The following PTPMT1 variants were observed in gnomAD, a reference collection of about 807,000 sequenced individuals.
PTPMT1 encodes the protein phosphatidylglycerophosphatase and protein-tyrosine phosphatase 1.
A neutral mutation model predicts 17.8 loss-of-function variants in PTPMT1; 12 were observed. That is an observed-to-expected ratio of 0.67 (90% CI 0.43 to 1.09). PTPMT1 has a LOEUF of 1.09. PTPMT1 is among the 50% of genes least tolerant of loss of function. PTPMT1 has a pLI of 0.00. For missense variants in PTPMT1, 262 were observed against 266.0 expected (o/e 0.99, Z 0.10); for synonymous variants, 132 against 116.8 (o/e 1.13, Z -0.84).
At position 47,573,080 on chromosome 11, in the gene PTPMT1, A is replaced by C. The variant is rs771044336; in HGVS notation, c.*1451A>C. 6.2e-7 allele frequency: 1 copy of C among 1,614,168 alleles called. No homozygotes were observed. The highest frequency in any genetic ancestry group is 1.1e-5 in the South Asian group (1 of 91,078). ...CATAGATGCTCCCGTTACAGCTGGCAATCTTCCAGAGGGATGGGGCAGAGC... is the reference window on the plus strand; with the variant it reads ...CATAGATGCTCCCGTTACAGCTGGCCATCTTCCAGAGGGATGGGGCAGAGC... On this transcript the variant is annotated 3_prime_UTR_variant, in exon 4 of 4. Coordinates refer to ENST00000326674, the MANE Select transcript of PTPMT1 (RefSeq NM_175732.3). The surrounding 1 kb of genome is among the most constrained non-coding windows in gnomAD (Gnocchi z 4.1).
rs763838623 is a variant in PTPMT1, at chr11:47,573,104, G to A, written c.*1475G>A. On this transcript the variant is annotated 3_prime_UTR_variant, in exon 4 of 4. Coordinates refer to ENST00000326674, the MANE Select transcript of PTPMT1 (RefSeq NM_175732.3). The surrounding 1 kb of genome is among the most constrained non-coding windows in gnomAD (Gnocchi z 4.1). ...CAATCTTCCAGAGGGATGGGGCAGAGCTCCAGGCCTCAGGAAGGCAAAGCC... is the reference window on the plus strand; with the variant it reads ...CAATCTTCCAGAGGGATGGGGCAGAACTCCAGGCCTCAGGAAGGCAAAGCC... The A allele has an allele frequency of 3.7e-6, 6 of 1,614,208 alleles. No individual in the cohort carries two copies. The highest frequency in any genetic ancestry group is 1.1e-5 in the South Asian group (1 of 91,086).
At chr11:47,569,938 TC>T in intron 3 of PTPMT1, 47 bp downstream of exon 3, 2 of 1,495,780 alleles carry the variant, frequency 1.3e-6, no homozygotes, top group Non-Finnish European at 1.8e-6. Flanking sequence ...ACACTTATGA[TC>T]CCAGCACTTT....
At position 47,569,715 on chromosome 11, in the gene PTPMT1, G is replaced by A. The variant is rs1321524900; in HGVS notation, c.271G>A (p.Gly91Arg). 1 of 1,612,106 alleles carries A rather than the reference G, an allele frequency of 6.2e-7. No individual in the cohort carries two copies. Among genetic ancestry groups the A allele is most frequent in the South Asian group, 1.1e-5 (1 of 90,860 alleles). ...CTGGTTCCAGGAGTGGAAGAGACTA[G>A]GAGTCGAGCAGCTGCGGCTCAGCAC... is the stretch of plus-strand genomic sequence containing the variant. ...CNSSQEWKRL[G>R]VEQLRLSTVD... Residue 91 changes from glycine to arginine, a missense_variant, in exon 3 of 4, where the codon GGA (glycine) becomes AGA (arginine). Coordinates refer to ENST00000326674, the MANE Select transcript of PTPMT1 (RefSeq NM_175732.3).
Position 47,571,897 on chromosome 11 carries a change from A to G in PTPMT1, c.*268A>G. ...TTTTCTTGAATAGGGCTAAAGAAGTATTTTAACAAAAATCTATTATGTACC... is the reference window on the plus strand; with the variant it reads ...TTTTCTTGAATAGGGCTAAAGAAGTGTTTTAACAAAAATCTATTATGTACC... On this transcript the variant is annotated 3_prime_UTR_variant, in exon 4 of 4. Coordinates refer to ENST00000326674, the MANE Select transcript of PTPMT1 (RefSeq NM_175732.3). 1 of 310,008 alleles carries G rather than the reference A, an allele frequency of 3.2e-6. No homozygotes were observed. The highest frequency in any genetic ancestry group is 6.0e-6 in the Non-Finnish European group (1 of 167,776). 19.2% of individuals were successfully genotyped at this position (310,008 alleles called of 1,614,324 possible). A position where few individuals can be genotyped will look rare whatever the true frequency, so the allele number is the denominator to read the frequency against.
chr11:47,568,613 T>C (rs1395901777), intron 2 of PTPMT1, among the ~76,000 whole-genome samples: 2 of 152,086 alleles, frequency 1.3e-5, no homozygotes, highest in African/African-American at 2.4e-5. Context: ...GCTTAGGAGT[T>C]TGAGGCTGCA....
rs960782073 is a variant in PTPMT1 at position 47,571,751 on chromosome 11, G to GT, written c.*123dup. 1.1e-6 allele frequency: 1 copy of GT among 875,984 alleles called. No individual in the cohort carries two copies. The highest frequency in any genetic ancestry group is 1.8e-6 in the Non-Finnish European group (1 of 559,276). The allele number at this position is 875,984 out of a possible 1,614,324, so 54.3% of individuals were successfully genotyped here. On this transcript the variant is annotated 3_prime_UTR_variant, in exon 4 of 4. Coordinates refer to ENST00000326674, the MANE Select transcript of PTPMT1 (RefSeq NM_175732.3). ...ACAGAAATGTGCCAATAGGTAATAG[G>GT]TAATTTTTCTTTCTCTGACTTGTTT...
rs2097251091 is a variant in PTPMT1 at position 47,572,601 on chromosome 11, G to T, written c.*972G>T. On this transcript the variant is annotated 3_prime_UTR_variant, in exon 4 of 4. Coordinates refer to ENST00000326674, the MANE Select transcript of PTPMT1 (RefSeq NM_175732.3). ...CTTTCCTTATGTCCTGGGATCAGGGGTGCTTACATTTAACATTGATCAGGT... is the reference window on the plus strand; with the variant it reads ...CTTTCCTTATGTCCTGGGATCAGGGTTGCTTACATTTAACATTGATCAGGT... The T allele has an allele frequency of 9.8e-6, 3 of 304,622 alleles. No individual in the cohort carries two copies. Among genetic ancestry groups the T allele is most frequent in the South Asian group, 6.9e-5 (1 of 14,426 alleles). The allele number at this position is 304,622 out of a possible 1,614,324, so 18.9% of individuals were successfully genotyped here.
chr11:47,573,152 A>T lies in PTPMT1; in HGVS notation c.*1523A>T, dbSNP rs1344744927. ...GCCGGGTGAAGCTGTCTAGCAAGGG[A>T]TTGTAGCACACCAGGGAGTCCCCTT... On this transcript the variant is annotated 3_prime_UTR_variant, in exon 4 of 4. Coordinates refer to ENST00000326674, the MANE Select transcript of PTPMT1 (RefSeq NM_175732.3). This position sits in a 1 kb window ranked among gnomAD's most constrained non-coding sequence, Gnocchi z 4.1. The T allele has an allele frequency of 6.2e-7, 1 of 1,614,164 alleles. No individual in the cohort carries two copies. The highest frequency in any genetic ancestry group is 8.5e-7 in the Non-Finnish European group (1 of 1,180,024).
chr11:47,567,307 G>C (rs1409222576), intron 2 of PTPMT1, among the ~76,000 whole-genome samples: 9 of 151,808 alleles, frequency 5.9e-5, no homozygotes, highest in African/African-American at 1.7e-4. Flanking sequence ...TTGGGAGGCT[G>C]AGGCAGGAGA....
At chr11:47,568,855 TA>T (rs924443561) in intron 2 of PTPMT1, among the ~76,000 whole-genome samples, 2 of 151,952 alleles carry the variant, frequency 1.3e-5, no homozygotes, top group African/African-American at 4.8e-5. Context: ...CACGCATGGC[TA>T]ATTTTTGTAT....
At chr11:47,569,426 G>A (rs920050232) in intron 2 of PTPMT1, among the ~76,000 whole-genome samples, 2 of 151,174 alleles carry the variant, frequency 1.3e-5, no homozygotes, top group African/African-American at 4.9e-5. Context: ...TTTAAATCTT[G>A]GACATAATTC....
In PTPMT1 at chr11:47,573,337, C is replaced by T. The variant is rs976529229; in HGVS notation, c.*1708C>T. On this transcript the variant is annotated 3_prime_UTR_variant, in exon 4 of 4. Transcript: ENST00000326674. This position sits in a 1 kb window ranked among gnomAD's most constrained non-coding sequence, Gnocchi z 4.1. ...AAGTCCAGATCATTCTCCTCCCCCC[C>T]TAGTAAGTAGATGATCCCGTTGAGG... 5 of 1,614,200 alleles carry T rather than the reference C, an allele frequency of 3.1e-6. No homozygotes were observed. The highest frequency in any genetic ancestry group is 4.2e-6 in the Non-Finnish European group (5 of 1,180,034).
chr11:47,573,299 A>G lies in PTPMT1; in HGVS notation c.*1670A>G. On this transcript the variant is annotated 3_prime_UTR_variant, in exon 4 of 4. Transcript: ENST00000326674. This position sits in a 1 kb window ranked among gnomAD's most constrained non-coding sequence, Gnocchi z 4.1. ...TGTCAAAGCACTGGATGAGTCGGGAAGGTTTGGTAAAGAAGTCCAGATCAT... is the reference window on the plus strand; with the variant it reads ...TGTCAAAGCACTGGATGAGTCGGGAGGGTTTGGTAAAGAAGTCCAGATCAT... 1 of 1,614,198 alleles carries G rather than the reference A, an allele frequency of 6.2e-7. No individual in the cohort carries two copies. The highest frequency in any genetic ancestry group is 8.5e-7 in the Non-Finnish European group (1 of 1,180,024).
chr11:47,571,415 G>C, intron 3 of PTPMT1, 56 bp from the exon 4 acceptor site: 2 of 1,531,784 alleles, frequency 1.3e-6, no homozygotes. Context: ...TGGGTCAAGG[G>C]CACCTTGACA....
At chr11:47,567,946 T>C (rs907158427) in intron 2 of PTPMT1, among the ~76,000 whole-genome samples, 4 of 152,022 alleles carry the variant, frequency 2.6e-5, no homozygotes, top group African/African-American at 9.7e-5. Flanking sequence ...TGAGACGGAG[T>C]CTTGCTCTGT....
In PTPMT1 at chr11:47,573,333, C is replaced by T; in HGVS notation, c.*1704C>T. 4 of 1,614,206 alleles carry T rather than the reference C, an allele frequency of 2.5e-6. No homozygotes were observed. Among genetic ancestry groups the T allele is most frequent in the Non-Finnish European group, 3.4e-6 (4 of 1,180,038 alleles). On this transcript the variant is annotated 3_prime_UTR_variant, in exon 4 of 4. Coordinates refer to ENST00000326674, the MANE Select transcript of PTPMT1 (RefSeq NM_175732.3). This position sits in a 1 kb window ranked among gnomAD's most constrained non-coding sequence, Gnocchi z 4.1. ...AAAGAAGTCCAGATCATTCTCCTCC[C>T]CCCCTAGTAAGTAGATGATCCCGTT... is the stretch of plus-strand genomic sequence containing the variant.
chr11:47,569,388 A>G (rs1165534094), intron 2 of PTPMT1, among the ~76,000 whole-genome samples: 1 of 452 alleles, frequency 2.2e-3, no homozygotes, highest in Non-Finnish European at 4.5e-3. Flanking sequence ...TCTGTCTTTA[A>G]AAAAAAAAAA....
intron 2 of PTPMT1, among the ~76,000 whole-genome samples, chr11:47,567,395 G>A (rs1445723772): frequency 6.7e-6 from 1 of 149,796 alleles, no homozygotes; most frequent in Non-Finnish European, 1.5e-5. Context: ...GACAGAGTGA[G>A]TCTCCGTCTC....
At chr11:47,569,548 G>C in intron 2 of PTPMT1, 152 bp from the exon 3 acceptor site, 1 of 541,724 alleles carries the variant, frequency 1.8e-6, no homozygotes, top group Non-Finnish European at 3.1e-6. Flanking sequence ...TCTGTAAGAA[G>C]TTTCTATTTT....
Sources: allele counts gnomAD v4.1 joint callset (sites outside exome capture counted in the v4.1 genomes callset), GRCh38; gene constraint gnomAD v4.1.1; non-coding constraint Gnocchi (gnomAD v3.1); transcripts MANE v1.5; gene names NCBI Gene and HGNC (gene_info 2026-07-23, HGNC 2026-07-21).